CDKAL1: variants seen among roughly 807,000 people sequenced by gnomAD.
CDKAL1 encodes the protein CDKAL1 threonylcarbamoyladenosine tRNA methylthiotransferase, also known as threonylcarbamoyladenosine tRNA methylthiotransferase.
CDKAL1 carries 32 observed loss-of-function variants against 68.2 expected under a neutral mutation model. The ratio of observed to expected loss-of-function variants is 0.47; its 90% confidence interval spans 0.35 to 0.63. The LOEUF (loss-of-function observed/expected upper bound fraction) is 0.63, where lower values mean the gene tolerates loss of function less well. Ranked by LOEUF, CDKAL1 falls within the 30% of genes least tolerant of loss-of-function variation. CDKAL1 has a pLI of 0.00. For missense variants in CDKAL1, 606 were observed against 696.7 expected (o/e 0.87, Z 1.47); for synonymous variants, 234 against 244.3 (o/e 0.96, Z 0.39).
At chr6:20,569,423 T>C (rs551233272) in intron 4 of CDKAL1, among the ~76,000 whole-genome samples, 46 of 152,334 alleles carry the variant, frequency 3.0e-4, no homozygotes, top group Middle Eastern at 3.4e-3. Context: ...CAGTGTTGAG[T>C]ATTTCTTCCT....
chr6:20,661,569 A>G (rs866406911), intron 5 of CDKAL1, among the ~76,000 whole-genome samples: 42 of 142,476 alleles, frequency 2.9e-4, no homozygotes, highest in African/African-American at 8.8e-4. Context: ...AAGAAAGTCT[A>G]TTTTAGTGTT....
rs116448592 is a variant in CDKAL1 at position 20,564,090 on chromosome 6, G to T, written c.286+15385G>T. Among the ~76,000 whole-genome samples, 1,011 of 152,254 alleles carry T rather than the reference G, an allele frequency of 6.6e-3. 13 individuals are homozygous for T. The highest frequency in any genetic ancestry group is 0.023 in the African/African-American group (974 of 41,544). On this transcript the variant is annotated intron_variant, in intron 4 of 15. Transcript: ENST00000274695. ...AAATTGAAGTGAAAACAAATGTGAG[G>T]TAATATGTTTTTGGAAATATTTATA... is the stretch of plus-strand genomic sequence containing the variant.
intron 6 of CDKAL1, among the ~76,000 whole-genome samples, chr6:20,745,878 A>G (rs965503682): frequency 6.6e-6 from 1 of 152,238 alleles, no homozygotes. Flanking sequence ...GGTATTTTAC[A>G]TCTCTAATGT....
intron 4 of CDKAL1, among the ~76,000 whole-genome samples, chr6:20,638,685 C>G (rs1438578630): frequency 6.6e-6 from 1 of 150,714 alleles, no homozygotes; most frequent in African/African-American, 2.4e-5. Context: ...GATCTCAGCT[C>G]ACTGCAACCT....
intron 13 of CDKAL1, among the ~76,000 whole-genome samples, chr6:21,171,887 G>A (rs895556323): frequency 5.9e-5 from 9 of 152,020 alleles, no homozygotes; most frequent in Non-Finnish European, 7.4e-5. Context: ...TGTATAATGT[G>A]CCTTTGTATT....
At chr6:20,756,512 A>G (rs1486909491) in intron 6 of CDKAL1, 1 of 152,196 alleles carries the variant, frequency 6.6e-6, no homozygotes, top group African/African-American at 2.4e-5. Context: ...GGCTTCTTCA[A>G]TCACATTCTG....
At chr6:20,934,429 A>G (rs1010102449) in intron 9 of CDKAL1, among the ~76,000 whole-genome samples, 8 of 152,170 alleles carry the variant, frequency 5.3e-5, no homozygotes, top group Admixed American at 4.6e-4. Flanking sequence ...TAGACCAATA[A>G]TGAATCAACA....
At chr6:20,981,441 A>C (rs1044042257) in intron 10 of CDKAL1, among the ~76,000 whole-genome samples, 1 of 152,216 alleles carries the variant, frequency 6.6e-6, no homozygotes, top group South Asian at 2.1e-4. Flanking sequence ...TACCCCTTGC[A>C]AAATAATTCC....
chr6:20,986,944 C>T (rs967463876), intron 10 of CDKAL1, among the ~76,000 whole-genome samples: 2 of 152,174 alleles, frequency 1.3e-5, no homozygotes, highest in African/African-American at 4.8e-5. Context: ...GGCACGAAGT[C>T]TCAATTTTAC....
At chr6:21,224,407 G>A (rs1000707256) in intron 15 of CDKAL1, among the ~76,000 whole-genome samples, 29 of 152,134 alleles carry the variant, frequency 1.9e-4, no homozygotes, top group Non-Finnish European at 4.3e-4. Flanking sequence ...CGCGCTACTC[G>A]GGAGGCTCAA....
At chr6:20,587,217 C>T (rs1765406173) in intron 4 of CDKAL1, among the ~76,000 whole-genome samples, 1 of 151,958 alleles carries the variant, frequency 6.6e-6, no homozygotes, top group Admixed American at 6.6e-5. Context: ...GAACTCCTGA[C>T]CTCAGGTGAT....
chr6:20,820,172 C>T (rs559006043), intron 8 of CDKAL1, among the ~76,000 whole-genome samples: 28 of 152,234 alleles, frequency 1.8e-4, no homozygotes, highest in Admixed American at 1.8e-3. Context: ...GCATTGTCAC[C>T]CACAGTTCCT....
At chr6:20,757,254 A>C (rs1774258811) in intron 6 of CDKAL1, among the ~76,000 whole-genome samples, 1 of 151,990 alleles carries the variant, frequency 6.6e-6, no homozygotes, top group African/African-American at 2.4e-5. Flanking sequence ...ATTTTTAATA[A>C]AGTTTTTTAA....
intron 9 of CDKAL1, among the ~76,000 whole-genome samples, chr6:20,913,295 G>A (rs1762558361): frequency 6.6e-6 from 1 of 152,162 alleles, no homozygotes; most frequent in Admixed American, 6.5e-5. Context: ...AGACTCACAT[G>A]GGGCAGGATC....
chr6:21,033,214 A>G (rs900514105), intron 11 of CDKAL1, among the ~76,000 whole-genome samples: 2 of 152,212 alleles, frequency 1.3e-5, no homozygotes, highest in African/African-American at 4.8e-5. Flanking sequence ...GCAAATAAAT[A>G]AGCTGTTGCA....
intron 11 of CDKAL1, among the ~76,000 whole-genome samples, chr6:21,064,632 A>G (rs1021935275): frequency 6.6e-6 from 1 of 152,214 alleles, no homozygotes; most frequent in East Asian, 1.9e-4. Flanking sequence ...TATCTTTGCA[A>G]TTGTACCAAT....
intron 13 of CDKAL1, among the ~76,000 whole-genome samples, chr6:21,168,069 A>G (rs542410969): frequency 2.0e-5 from 3 of 152,242 alleles, no homozygotes; most frequent in Non-Finnish European, 2.9e-5. Flanking sequence ...TCCTGCATGT[A>G]GTCAAAGACT....
At chr6:21,218,309 A>G (rs530891434) in intron 15 of CDKAL1, among the ~76,000 whole-genome samples, 9 of 152,204 alleles carry the variant, frequency 5.9e-5, no homozygotes, top group Non-Finnish European at 1.3e-4. Context: ...GTATGTGTGA[A>G]TTGGTATCCA....
At chr6:20,810,242 C>T (rs115160594) in intron 8 of CDKAL1, among the ~76,000 whole-genome samples, 2,051 of 152,228 alleles carry the variant, frequency 0.013, 36 homozygotes, top group African/African-American at 0.047. Context: ...TTCCACCACC[C>T]TTGCCCCTTC....
Sources: allele counts gnomAD v4.1 joint callset (sites outside exome capture counted in the v4.1 genomes callset), GRCh38; gene constraint gnomAD v4.1.1; transcripts MANE v1.5; gene names NCBI Gene and HGNC (gene_info 2026-07-23, HGNC 2026-07-21).